The following ITGBL1 variants were observed in gnomAD, a reference collection of about 807,000 sequenced individuals.
The protein encoded by ITGBL1 is integrin beta-like protein 1.
A neutral mutation model predicts 68.5 loss-of-function variants in ITGBL1; 51 were observed. The observed-to-expected ratio is 0.74, with a 90% CI of 0.59 to 0.94. The LOEUF (loss-of-function observed/expected upper bound fraction) is 0.94, where lower values mean the gene tolerates loss of function less well. Ranked by LOEUF, ITGBL1 falls within the 40% of genes least tolerant of loss-of-function variation. The pLI is 0.00. For missense variants in ITGBL1, 649 were observed against 647.4 expected (o/e 1.00, Z -0.03); for synonymous variants, 209 against 227.3 (o/e 0.92, Z 0.72).
At chr13:101,620,471 A>G (rs1053989125) in intron 7 of ITGBL1, among the ~76,000 whole-genome samples, 1 of 152,192 alleles carries the variant, frequency 6.6e-6, no homozygotes, top group African/African-American at 2.4e-5. Flanking sequence ...TGGGCTGAGC[A>G]TTATAGGATG....
At chr13:101,481,327 G>C (rs957580147) in intron 2 of ITGBL1, among the ~76,000 whole-genome samples, 1 of 151,882 alleles carries the variant, frequency 6.6e-6, no homozygotes, top group African/African-American at 2.4e-5. Flanking sequence ...GTACCAAGGA[G>C]AAAGCTATTT....
Position 101,705,418 on chromosome 13 carries a change from C to T in ITGBL1, c.1133-1338C>T, listed in dbSNP as rs1249231349. Among the ~76,000 whole-genome samples the T allele has an allele frequency of 4.0e-5, 6 of 151,896 alleles. No individual in the cohort carries two copies. The South Asian group carries it at 6.2e-4, about 16-fold the overall frequency. ...ACCACAGTTACTTACCACGTCCTACCGATCCGCATTCTCGCAAGTGTCCTT... is the reference window on the plus strand; with the variant it reads ...ACCACAGTTACTTACCACGTCCTACTGATCCGCATTCTCGCAAGTGTCCTT... On this transcript the variant is annotated intron_variant, in intron 8 of 10. Transcript: ENST00000376180.
At chr13:101,492,976 CACAGA>C (rs1472160004) in intron 2 of ITGBL1, among the ~76,000 whole-genome samples, 1 of 152,168 alleles carries the variant, frequency 6.6e-6, no homozygotes. Context: ...AATTCCTTTA[CACAGA>C]ACTTTTCTGG....
intron 2 of ITGBL1, among the ~76,000 whole-genome samples, chr13:101,461,338 A>G (rs893946229): frequency 2.0e-5 from 3 of 152,110 alleles, no homozygotes; most frequent in Non-Finnish European, 4.4e-5. Context: ...CCTCATATAC[A>G]TATTGTTACA....
At chr13:101,489,526 G>T (rs145951006) in intron 2 of ITGBL1, among the ~76,000 whole-genome samples, 71 of 152,216 alleles carry the variant, frequency 4.7e-4, no homozygotes, top group Non-Finnish European at 9.3e-4. Flanking sequence ...AAATGCTTTG[G>T]TATGTGATTT....
intron 2 of ITGBL1, among the ~76,000 whole-genome samples, chr13:101,555,568 G>T (rs779605115): frequency 1.3e-5 from 2 of 152,146 alleles, no homozygotes; most frequent in Non-Finnish European, 2.9e-5. Flanking sequence ...ATGGGAAGGG[G>T]TGGCGTTTAG....
chr13:101,584,683 A>T (rs959462656), intron 6 of ITGBL1, among the ~76,000 whole-genome samples: 1 of 152,044 alleles, frequency 6.6e-6, no homozygotes, highest in Admixed American at 6.6e-5. Flanking sequence ...TCTTGAGGGT[A>T]TTTTTTTCTA....
chr13:101,641,346 C>A (rs1181267506), intron 7 of ITGBL1, among the ~76,000 whole-genome samples: 2 of 151,916 alleles, frequency 1.3e-5, no homozygotes, highest in African/African-American at 2.4e-5. Flanking sequence ...ACATATATTT[C>A]TTTTTATTTT....
chr13:101,688,756 C>T lies in ITGBL1; in HGVS notation c.1016-3829C>T, dbSNP rs541020254. 3.3e-5 allele frequency among the ~76,000 whole-genome samples: 5 copies of T among 151,712 alleles called. No individual in the cohort carries two copies. In the East Asian group the frequency reaches 9.7e-4, roughly 29 times the overall value. ...CATGGAAAACACAAATGAAGGTATTCAGGCAATTGGAAATGAATATCTATT... is the reference window on the plus strand; with the variant it reads ...CATGGAAAACACAAATGAAGGTATTTAGGCAATTGGAAATGAATATCTATT... On this transcript the variant is annotated intron_variant, in intron 7 of 10. Transcript: ENST00000376180.
intron 2 of ITGBL1, among the ~76,000 whole-genome samples, chr13:101,461,011 T>C (rs1201450478): frequency 6.6e-6 from 1 of 152,126 alleles, no homozygotes; most frequent in Non-Finnish European, 1.5e-5. Context: ...GAGACAGACA[T>C]ACCTTGCCCT....
In ITGBL1 at chr13:101,599,730, A is replaced by G. The variant is rs868754283; in HGVS notation, c.1015+1431A>G. On this transcript the variant is annotated intron_variant, in intron 7 of 10. Coordinates refer to ENST00000376180, the MANE Select transcript of ITGBL1 (RefSeq NM_004791.3). ...ATTTCTTCTTTTTGTCAGGTTTGTC[A>G]AAGATCAAATAGTTGTAGATATGCG... Among the ~76,000 whole-genome samples, 13 of 152,316 alleles carry G rather than the reference A, an allele frequency of 8.5e-5. 1 individual carries two copies. The Middle Eastern group carries it at 0.017, about 199-fold the overall frequency.
At chr13:101,500,325 C>A (rs2139083204) in intron 2 of ITGBL1, among the ~76,000 whole-genome samples, 1 of 152,218 alleles carries the variant, frequency 6.6e-6, no homozygotes, top group African/African-American at 2.4e-5. Flanking sequence ...TTCCTGCTGA[C>A]TGATATTGGA....
Position 101,553,059 on chromosome 13 carries a change from G to A in ITGBL1, c.317-14640G>A, listed in dbSNP as rs527415050. 2.0e-5 allele frequency among the ~76,000 whole-genome samples: 3 copies of A among 152,230 alleles called. No individual in the cohort carries two copies. The South Asian group carries it at 6.2e-4, about 32-fold the overall frequency. ...TTTTTCAGACAAAGAAAGTGGTCTT[G>A]TTTTTTAGACAACAAACTTTGGGGA... On this transcript the variant is annotated intron_variant, in intron 2 of 10. Coordinates refer to ENST00000376180, the MANE Select transcript of ITGBL1 (RefSeq NM_004791.3).
At chr13:101,500,486 C>A (rs1328117636) in intron 2 of ITGBL1, among the ~76,000 whole-genome samples, 1 of 152,120 alleles carries the variant, frequency 6.6e-6, no homozygotes, top group Non-Finnish European at 1.5e-5. Context: ...TGAATATTAA[C>A]CAACTGCTAC....
In ITGBL1 at chr13:101,583,263, G is replaced by A; in HGVS notation, c.775G>A (p.Gly259Arg). ...TACCTGTCACGATGTTGATCCGACTGGGGACTGGGGAGATATTCATGGGGA... is the reference window on the plus strand; with the variant it reads ...TACCTGTCACGATGTTGATCCGACTAGGGACTGGGGAGATATTCATGGGGA... ...ECTCHDVDPT[G>R]DWGDIHGDTC... Residue 259 changes from glycine to arginine, a missense_variant, in exon 6 of 11, where the codon GGG (glycine) becomes AGG (arginine). Coordinates refer to ENST00000376180, the MANE Select transcript of ITGBL1 (RefSeq NM_004791.3). 6.2e-7 allele frequency: 1 copy of A among 1,613,574 alleles called. No homozygotes were observed. The highest frequency in any genetic ancestry group is 8.5e-7 in the Non-Finnish European group (1 of 1,179,652).
chr13:101,586,792 C>T (rs1246655763), intron 6 of ITGBL1, among the ~76,000 whole-genome samples: 1 of 152,112 alleles, frequency 6.6e-6, no homozygotes, highest in Admixed American at 6.6e-5. Flanking sequence ...CAGACATCAA[C>T]CTCTGCAGTA....
intron 7 of ITGBL1, among the ~76,000 whole-genome samples, chr13:101,644,741 C>G (rs928096636): frequency 2.0e-5 from 3 of 151,994 alleles, no homozygotes; most frequent in Non-Finnish European, 4.4e-5. Context: ...TCCAGTAACT[C>G]TTTTTTAGAT....
intron 2 of ITGBL1, among the ~76,000 whole-genome samples, chr13:101,455,216 A>G (rs1368736987): frequency 6.6e-6 from 1 of 152,238 alleles, no homozygotes; most frequent in African/African-American, 2.4e-5. Context: ...GTTTATAGCA[A>G]AATATTTTTT....
chr13:101,625,994 AGGGAAT>A (rs1280159776), intron 7 of ITGBL1, among the ~76,000 whole-genome samples: 1 of 152,220 alleles, frequency 6.6e-6, no homozygotes, highest in East Asian at 1.9e-4. Flanking sequence ...GGAGAACTTA[AGGGAAT>A]GGCTTGGATC....
Sources: gnomAD v4.1 joint callset for allele counts (sites outside exome capture counted in the v4.1 genomes callset) on GRCh38, gnomAD v4.1.1 for gene constraint, MANE v1.5 for transcripts, NCBI Gene and HGNC (gene_info 2026-07-23, HGNC 2026-07-21) for gene names.